ATF6: variants seen among roughly 807,000 people sequenced by gnomAD.
ATF6 encodes the protein activating transcription factor 6.
In ATF6, 53 loss-of-function variants were observed where a neutral mutation model predicts 83.6. The observed-to-expected ratio is 0.63, with a 90% confidence interval of 0.51 to 0.80. The LOEUF is 0.80. ATF6 is among the 30% of genes least tolerant of loss of function. The pLI is 0.00. For synonymous variants in ATF6, 288 were observed against 285.8 expected (o/e 1.01, Z -0.08); for missense variants, 744 against 797.9 (o/e 0.93, Z 0.81).
At chr1:161,898,007 C>A (rs1003535862) in intron 14 of ATF6, among the ~76,000 whole-genome samples, 4 of 152,128 alleles carry the variant, frequency 2.6e-5, no homozygotes, top group Non-Finnish European at 4.4e-5. Context: ...TAAACCTGCT[C>A]TTGTGGTATA....
chr1:161,912,786 G>A (rs529488353), intron 15 of ATF6, among the ~76,000 whole-genome samples: 67 of 152,190 alleles, frequency 4.4e-4, no homozygotes, highest in African/African-American at 1.6e-3. Flanking sequence ...TGCCACAGAA[G>A]CCTGTTTATG....
intron 15 of ATF6, among the ~76,000 whole-genome samples, chr1:161,939,839 A>G (rs1688610377): frequency 6.6e-6 from 1 of 152,230 alleles, no homozygotes; most frequent in Admixed American, 6.5e-5. Flanking sequence ...AATTTAGGAA[A>G]TATAGTCTTT....
chr1:161,927,791 G>A (rs145956882), intron 15 of ATF6, among the ~76,000 whole-genome samples: 32 of 151,972 alleles, frequency 2.1e-4, no homozygotes, highest in African/African-American at 7.2e-4. Flanking sequence ...AGAATTATGG[G>A]GTAGATTATG....
intron 1 of ATF6, among the ~76,000 whole-genome samples, chr1:161,775,148 G>A (rs182143677): frequency 1.3e-5 from 2 of 152,110 alleles, no homozygotes; most frequent in East Asian, 1.9e-4. Context: ...ATAAAATGAG[G>A]GTATACATTA....
Position 161,791,082 on chromosome 1 carries a change from GTCTC to G in ATF6, c.355-324_355-321del, listed in dbSNP as rs1417747184. On this transcript the variant is annotated intron_variant, in intron 4 of 15. Coordinates refer to ENST00000367942, the MANE Select transcript of ATF6 (RefSeq NM_007348.4). The stretch of plus-strand genomic sequence containing the variant: ...TTTATATGTGTGTGTGTGTGTGTGT[GTCTC>G]TGTGTGTGTGTGTGTGTCTCTGTGT... Among the ~76,000 whole-genome samples the G allele has an allele frequency of 9.0e-4, 62 of 68,924 alleles. No homozygotes were observed. In the East Asian group the frequency reaches 9.8e-3, roughly 11 times the overall value. 45.2% of individuals were successfully genotyped at this position (68,924 alleles called of 152,430 possible).
chr1:161,861,592 G>A (rs1220466014), intron 13 of ATF6, among the ~76,000 whole-genome samples: 6 of 152,110 alleles, frequency 3.9e-5, no homozygotes. Context: ...AAATGTTTTA[G>A]TGAATTACAG....
At chr1:161,831,707 A>G (rs1489861089) in intron 9 of ATF6, among the ~76,000 whole-genome samples, 1 of 146,386 alleles carries the variant, frequency 6.8e-6, no homozygotes, top group African/African-American at 2.5e-5. Flanking sequence ...AAAAAACCAA[A>G]CACCACATGT....
Position 161,870,440 on chromosome 1 carries a change from A to C in ATF6, c.1719+7128A>C, listed in dbSNP as rs555151039. ...AAAGAAATGTCTTTGCTTTGTCTTA[A>C]AAAGGAAGTAGTTTAGCAAAAACAG... is the stretch of plus-strand genomic sequence containing the variant. On this transcript the variant is annotated intron_variant, in intron 14 of 15. Coordinates refer to ENST00000367942, the MANE Select transcript of ATF6 (RefSeq NM_007348.4). Among the ~76,000 whole-genome samples, 3 of 151,904 alleles carry C rather than the reference A, an allele frequency of 2.0e-5. No individual in the cohort carries two copies. The East Asian group carries it at 5.8e-4, about 29-fold the overall frequency.
intron 14 of ATF6, among the ~76,000 whole-genome samples, chr1:161,878,340 C>T (rs1687260559): frequency 6.6e-6 from 1 of 152,166 alleles, no homozygotes; most frequent in Non-Finnish European, 1.5e-5. Context: ...GTCTTGAACT[C>T]CCAACCTCAA....
At chr1:161,924,823 T>C (rs574489579) in intron 15 of ATF6, among the ~76,000 whole-genome samples, 7 of 152,224 alleles carry the variant, frequency 4.6e-5, no homozygotes, top group Non-Finnish European at 1.0e-4. Context: ...GATGCATTAA[T>C]ATTCCTGTAC....
chr1:161,818,224 G>T (rs1427397790), intron 7 of ATF6, among the ~76,000 whole-genome samples: 2 of 151,794 alleles, frequency 1.3e-5, no homozygotes, highest in African/African-American at 4.8e-5. Flanking sequence ...ATAGAAATTA[G>T]TAATTCAACC....
chr1:161,773,866 TA>T (rs1367906669), intron 1 of ATF6, among the ~76,000 whole-genome samples: 8 of 152,208 alleles, frequency 5.3e-5, no homozygotes, highest in African/African-American at 1.9e-4. Context: ...TCTATAAATA[TA>T]CGAGTATATT....
intron 9 of ATF6, among the ~76,000 whole-genome samples, chr1:161,844,680 T>C (rs2101816920): frequency 6.6e-6 from 1 of 152,294 alleles, no homozygotes; most frequent in East Asian, 1.9e-4. Context: ...ACTTTCATAA[T>C]TAGAATTTTT....
intron 9 of ATF6, among the ~76,000 whole-genome samples, chr1:161,831,584 T>G (rs373883255): frequency 7.9e-5 from 12 of 152,034 alleles, no homozygotes; most frequent in East Asian, 3.9e-4. Flanking sequence ...AGAAAATGTG[T>G]CACATATACA....
At chr1:161,940,465 G>C (rs1184562446) in intron 15 of ATF6, among the ~76,000 whole-genome samples, 2 of 150,970 alleles carry the variant, frequency 1.3e-5, no homozygotes, top group Non-Finnish European at 3.0e-5. Context: ...CTCATGACTT[G>C]ATGTATTTAC....
intron 4 of ATF6, among the ~76,000 whole-genome samples, chr1:161,787,808 T>C (rs752166473): frequency 1.1e-4 from 17 of 152,204 alleles, no homozygotes; most frequent in Non-Finnish European, 2.4e-4. Flanking sequence ...TCTAGTACCA[T>C]TTATCAAAAA....
Position 161,960,042 on chromosome 1 carries a change from C to G in ATF6, c.*1388C>G, listed in dbSNP as rs1357027200. The G allele has an allele frequency of 6.6e-6, 1 of 151,088 alleles. No individual in the cohort carries two copies. The highest frequency in any genetic ancestry group is 2.4e-5 in the African/African-American group (1 of 40,904). The allele number at this position is 151,088 out of a possible 1,614,324, so 9.4% of individuals were successfully genotyped here. A position where few individuals can be genotyped will look rare whatever the true frequency, so the allele number is the denominator to read the frequency against. The stretch of plus-strand genomic sequence containing the variant: ...ATATGGCAATAATTTTCAGTTTCTC[C>G]AACGAAAAGATAGTGAAGGAATTAA... On this transcript the variant is annotated 3_prime_UTR_variant, in exon 16 of 16. Transcript: ENST00000367942.
chr1:161,866,975 C>G (rs915272295), intron 14 of ATF6, among the ~76,000 whole-genome samples: 1 of 152,046 alleles, frequency 6.6e-6, no homozygotes, highest in African/African-American at 2.4e-5. Context: ...GTCTTGAACT[C>G]CTGGACTCAA....
chr1:161,839,011 C>T (rs1485458119), intron 9 of ATF6, among the ~76,000 whole-genome samples: 3 of 152,158 alleles, frequency 2.0e-5, no homozygotes, highest in East Asian at 1.9e-4. Flanking sequence ...TCCTTTTAGT[C>T]TCAGTTGCAT....
Sources: gnomAD v4.1 joint callset for allele counts (sites outside exome capture counted in the v4.1 genomes callset) on GRCh38, gnomAD v4.1.1 for gene constraint, MANE v1.5 for transcripts, NCBI Gene and HGNC (gene_info 2026-07-23, HGNC 2026-07-21) for gene names.